ZFHX3: variants seen among roughly 807,000 people sequenced by gnomAD.
The protein encoded by ZFHX3 is zinc finger homeobox protein 3.
ZFHX3 carries 42 observed loss-of-function variants against 279.1 expected under a neutral mutation model. That is an observed-to-expected ratio of 0.15 (90% CI 0.12 to 0.19). ZFHX3 has a LOEUF of 0.19. ZFHX3 is among the 10% of genes least tolerant of loss of function. ZFHX3 has a pLI of 1.00. For missense variants in ZFHX3, 4,981 were observed against 4,754.0 expected, an observed-to-expected ratio of 1.05 and a Z score of -1.40; for synonymous variants, 2,293 against 1,957.8, an observed-to-expected ratio of 1.17 and a Z score of -4.52.
intron 4 of ZFHX3, among the ~76,000 whole-genome samples, chr16:73,261,243 C>T (rs2013815603): frequency 6.6e-6 from 1 of 151,966 alleles, no homozygotes; most frequent in African/African-American, 2.4e-5. Context: ...AAAAAAAATA[C>T]AACTTTGTGT....
At chr16:73,427,856 T>A (rs2017839594) in intron 3 of ZFHX3, among the ~76,000 whole-genome samples, 1 of 151,674 alleles carries the variant, frequency 6.6e-6, no homozygotes, top group Non-Finnish European at 1.5e-5. Context: ...GGCAGGAGAA[T>A]CACTGGAACC....
intron 4 of ZFHX3, among the ~76,000 whole-genome samples, chr16:72,832,997 C>G (rs2143739264): frequency 6.6e-6 from 1 of 152,270 alleles, no homozygotes; most frequent in East Asian, 1.9e-4. Flanking sequence ...CTCTGAATAC[C>G]AATAAAGGTA....
At chr16:73,876,543 A>G (rs1391693299) in intron 1 of ZFHX3, among the ~76,000 whole-genome samples, 2 of 152,238 alleles carry the variant, frequency 1.3e-5, no homozygotes, top group Non-Finnish European at 2.9e-5. Context: ...TGTTTACATT[A>G]GCTAAAGTAC....
At chr16:73,172,734 G>T (rs1967559510) in intron 5 of ZFHX3, among the ~76,000 whole-genome samples, 2 of 152,176 alleles carry the variant, frequency 1.3e-5, no homozygotes. Flanking sequence ...ACGGGATCCC[G>T]GCCAAAACAC....
At chr16:73,650,416 A>G (rs2052659810) in intron 2 of ZFHX3, among the ~76,000 whole-genome samples, 1 of 152,076 alleles carries the variant, frequency 6.6e-6, no homozygotes. Context: ...CACCCTCAGA[A>G]TAAGAGTAAG....
intron 1 of ZFHX3, among the ~76,000 whole-genome samples, chr16:73,752,071 G>C (rs902036037): frequency 6.6e-6 from 1 of 152,188 alleles, no homozygotes; most frequent in Non-Finnish European, 1.5e-5. Context: ...CAGAGAAAGA[G>C]AGAAAGGAGG....
chr16:72,966,427 T>C (rs1055402395), intron 1 of ZFHX3, among the ~76,000 whole-genome samples: 6 of 152,154 alleles, frequency 3.9e-5, no homozygotes, highest in Non-Finnish European at 8.8e-5. Context: ...TAACAAAATA[T>C]CTAGGAGTTT....
chr16:73,647,077 A>G (rs1042259730), intron 2 of ZFHX3, among the ~76,000 whole-genome samples: 1 of 145,750 alleles, frequency 6.9e-6, no homozygotes, highest in African/African-American at 2.6e-5. Flanking sequence ...GTGTGGCGCG[A>G]TCTCGGCGCA....
Position 73,412,326 on chromosome 16 carries a change from C to CA in ZFHX3, c.-1291+43676dup, listed in dbSNP as rs60447973. On this transcript the variant is annotated intron_variant, in intron 3 of 17. Coordinates refer to the ZFHX3 transcript ENST00000641206. ...TGGGCAACAGAGTGAGAGACTGTTT[C>CA]AAAAAAAAAAAAAAAAAAAAAAAGT... Among the ~76,000 whole-genome samples, 658 of 117,098 alleles carry CA rather than the reference C, an allele frequency of 5.6e-3. 1 individual carries two copies. Among genetic ancestry groups the CA allele is most frequent in the Middle Eastern group, 0.01 (2 of 196 alleles). 76.8% of individuals were successfully genotyped at this position (117,098 alleles called of 152,430 possible).
intron 3 of ZFHX3, among the ~76,000 whole-genome samples, chr16:73,343,209 T>A (rs2016065969): frequency 1.3e-5 from 2 of 152,168 alleles, no homozygotes; most frequent in Non-Finnish European, 2.9e-5. Context: ...AGTATCAGTA[T>A]GTTTCATATA....
intron 5 of ZFHX3, among the ~76,000 whole-genome samples, chr16:73,244,357 C>T (rs1470714763): frequency 6.6e-6 from 1 of 152,156 alleles, no homozygotes; most frequent in African/African-American, 2.4e-5. Context: ...ATCCTTCTCT[C>T]CTCCATCCTC....
At chr16:73,023,609 C>T (rs990214623) in intron 1 of ZFHX3, among the ~76,000 whole-genome samples, 7 of 152,262 alleles carry the variant, frequency 4.6e-5, no homozygotes, top group Non-Finnish European at 1.0e-4. Flanking sequence ...ACCTAGGAGC[C>T]GGAAGACCCC....
At chr16:73,146,553 C>G (rs1966864351) in intron 5 of ZFHX3, among the ~76,000 whole-genome samples, 1 of 152,104 alleles carries the variant, frequency 6.6e-6, no homozygotes, top group African/African-American at 2.4e-5. Context: ...GGGAGAACGG[C>G]TTGTTGAAAT....
intron 2 of ZFHX3, among the ~76,000 whole-genome samples, chr16:73,521,047 C>A (rs1163941744): frequency 2.6e-5 from 4 of 152,182 alleles, no homozygotes; most frequent in Non-Finnish European, 5.9e-5. Context: ...TTCAGAACAT[C>A]ATCATCCAAA....
At chr16:73,178,576 C>T (rs1967718128) in intron 5 of ZFHX3, among the ~76,000 whole-genome samples, 1 of 152,212 alleles carries the variant, frequency 6.6e-6, no homozygotes, top group Non-Finnish European at 1.5e-5. Context: ...CACTCTCTAG[C>T]ATTCTTCTCT....
chr16:72,989,506 A>T (rs1468641210), intron 1 of ZFHX3, among the ~76,000 whole-genome samples: 2 of 151,972 alleles, frequency 1.3e-5, no homozygotes, highest in African/African-American at 4.8e-5. Flanking sequence ...CCATGGCACT[A>T]TCAAACTCCA....
At chr16:73,753,656 C>T (rs1173161414) in intron 1 of ZFHX3, among the ~76,000 whole-genome samples, 1 of 152,208 alleles carries the variant, frequency 6.6e-6, no homozygotes, top group Non-Finnish European at 1.5e-5. Context: ...ACACCACCAG[C>T]TCACCCTCAA....
chr16:72,883,205 AG>A (rs1567563451), intron 4 of ZFHX3, among the ~76,000 whole-genome samples: 2 of 152,310 alleles, frequency 1.3e-5, no homozygotes, highest in Admixed American at 6.5e-5. Flanking sequence ...AGGCAAATCA[AG>A]AACTCTGTTC....
At chr16:73,808,683 T>G (rs1230895346) in intron 1 of ZFHX3, among the ~76,000 whole-genome samples, 1 of 152,160 alleles carries the variant, frequency 6.6e-6, no homozygotes, top group Non-Finnish European at 1.5e-5. Context: ...CCCTTGATTA[T>G]GTGATGTACA....
Sources: allele counts gnomAD v4.1 joint callset (sites outside exome capture counted in the v4.1 genomes callset), GRCh38; gene constraint gnomAD v4.1.1; transcripts MANE v1.5; gene names NCBI Gene and HGNC (gene_info 2026-07-23, HGNC 2026-07-21).